TPO: variants seen among roughly 807,000 people sequenced by gnomAD.
TPO encodes the protein thyroid microsomal antigen.
TPO carries 78 observed loss-of-function variants against 96.9 expected under a neutral mutation model. The observed-to-expected ratio is 0.81, with a 90% CI of 0.67 to 0.97. TPO has a LOEUF of 0.97. TPO is among the 50% of genes least tolerant of loss of function. The pLI is 0.00. For missense variants in TPO, 1,252 were observed against 1,274.8 expected (o/e 0.98, Z 0.27); for synonymous variants, 547 against 538.0 (o/e 1.02, Z -0.23).
rs567827921 is a variant in TPO at position 1,527,562 on chromosome 2, A to G, written c.2618+10580A>G. 4.1e-5 allele frequency among the ~76,000 whole-genome samples: 6 copies of G among 144,706 alleles called. No individual in the cohort carries two copies. The South Asian group carries it at 1.4e-3, about 34-fold the overall frequency. The allele number at this position is 144,706 out of a possible 152,430, so 94.9% of individuals were successfully genotyped here. Reference sequence around the variant, plus strand: ...CCTCCAACTGTGTTCAGCTTCCCCAAATACCAACTGTGTGCAACCTCCTCA... The same window carrying G: ...CCTCCAACTGTGTTCAGCTTCCCCAGATACCAACTGTGTGCAACCTCCTCA... On this transcript the variant is annotated intron_variant, in intron 15 of 16. Transcript: ENST00000329066.
At chr2:1,451,490 T>G (rs890504660) in intron 5 of TPO, among the ~76,000 whole-genome samples, 1 of 152,210 alleles carries the variant, frequency 6.6e-6, no homozygotes, top group Non-Finnish European at 1.5e-5. Flanking sequence ...ATTTTTTAAG[T>G]GTGTACATAT....
At chr2:1,533,836 C>T (rs1678905134) in intron 15 of TPO, among the ~76,000 whole-genome samples, 2 of 88,150 alleles carry the variant, frequency 2.3e-5, no homozygotes, top group Non-Finnish European at 4.8e-5. Context: ...GTGCATTCTC[C>T]TCAAATGCCC....
chr2:1,446,640 A>G (rs1048244913), intron 5 of TPO, among the ~76,000 whole-genome samples: 6 of 152,154 alleles, frequency 3.9e-5, no homozygotes, highest in African/African-American at 1.4e-4. Flanking sequence ...CCATTTTTTA[A>G]TGAATCTTTT....
upstream of TPO, among the ~76,000 whole-genome samples, chr2:1,409,704 G>A (rs1015005091): frequency 7.9e-5 from 12 of 152,024 alleles, no homozygotes; most frequent in African/African-American, 1.2e-4. Flanking sequence ...CACGGCCGTC[G>A]GGGGTCATCA....
chr2:1,386,805 A>G (rs922139999), intron 1 of TPO, among the ~76,000 whole-genome samples: 1 of 152,092 alleles, frequency 6.6e-6, no homozygotes, highest in Non-Finnish European at 1.5e-5. Context: ...TCTTCCTAGC[A>G]TCGATGGTCT....
chr2:1,390,952 G>A (rs928899885), intron 1 of TPO, among the ~76,000 whole-genome samples: 23 of 151,960 alleles, frequency 1.5e-4, no homozygotes, highest in Admixed American at 1.3e-3. Context: ...ATGGGTAGAT[G>A]GCAAAAATTT....
chr2:1,400,568 C>CAAAAAAAAAAAAAAAAAAAAAAA (rs34242408), intron 1 of TPO, among the ~76,000 whole-genome samples: 4 of 71,604 alleles, frequency 5.6e-5, no homozygotes, highest in African/African-American at 2.2e-4. Context: ...GACTCTGTCT[C>CAAAAAAAAAAAAAAAAAAAAAAA]AAAAAAAAAA....
intron 11 of TPO, among the ~76,000 whole-genome samples, 191 bp from the exon 12 acceptor site, chr2:1,495,798 G>A (rs1672266208): frequency 6.6e-6 from 1 of 152,066 alleles, no homozygotes; most frequent in African/African-American, 2.4e-5. Flanking sequence ...GGGTGCTGGG[G>A]GTCTGGGCAG....
At chr2:1,478,481 G>A (rs1435728495) in intron 8 of TPO, among the ~76,000 whole-genome samples, 2 of 152,340 alleles carry the variant, frequency 1.3e-5, no homozygotes, top group South Asian at 4.1e-4. Context: ...GTGTGGCACC[G>A]GCTGCCCCCG....
chr2:1,524,377 C>T (rs1181300312), intron 15 of TPO, among the ~76,000 whole-genome samples: 3 of 141,420 alleles, frequency 2.1e-5, no homozygotes, highest in Non-Finnish European at 4.6e-5. Flanking sequence ...TCAACCTCCC[C>T]AAATCCCCCC....
chr2:1,474,075 T>C lies in TPO; in HGVS notation c.820-3011T>C, dbSNP rs958204220. 2.0e-5 allele frequency among the ~76,000 whole-genome samples: 3 copies of C among 152,212 alleles called. No individual in the cohort carries two copies. In the South Asian group the frequency reaches 6.2e-4, roughly 32 times the overall value. On this transcript the variant is annotated intron_variant, in intron 7 of 16. Transcript: ENST00000329066. ...CAACAATGATAGCGGGAGTTTCTGC[T>C]AGTCCTTAATTTTAAATTAAATTGT...
chr2:1,411,374 C>T (rs546206478), upstream of TPO, among the ~76,000 whole-genome samples: 3 of 152,190 alleles, frequency 2.0e-5, no homozygotes, highest in South Asian at 2.1e-4. Flanking sequence ...CGGCCTCCCC[C>T]AGCTGTGCAT....
intron 1 of TPO, among the ~76,000 whole-genome samples, chr2:1,381,514 C>T (rs877154): frequency 0.058 from 8,794 of 152,220 alleles, 674 homozygotes; most frequent in East Asian, 0.3. Flanking sequence ...GATCCCATCA[C>T]CTCCACCCAG....
chr2:1,488,520 C>A (rs543694544), intron 10 of TPO, among the ~76,000 whole-genome samples: 61 of 152,280 alleles, frequency 4.0e-4, no homozygotes, highest in African/African-American at 1.4e-3. Flanking sequence ...AGGCCCCACC[C>A]GGCAGCCTCC....
chr2:1,507,944 G>GGC (rs759238228), intron 14 of TPO, among the ~76,000 whole-genome samples: 1 of 152,188 alleles, frequency 6.6e-6, no homozygotes, highest in African/African-American at 2.4e-5. Context: ...GGTGAGAGAA[G>GGC]GCATCCCTGT....
chr2:1,506,705 T>A (rs2125019989), intron 14 of TPO, among the ~76,000 whole-genome samples: 1 of 152,370 alleles, frequency 6.6e-6, no homozygotes, highest in Admixed American at 6.5e-5. Flanking sequence ...TCTGTTCATA[T>A]CCTTCACCCG....
At chr2:1,540,768 T>C (rs765050935) in intron 16 of TPO, 45 bp downstream of exon 16, 13 of 1,613,174 alleles carry the variant, frequency 8.1e-6, no homozygotes, top group South Asian at 7.7e-5. Context: ...ACCGCAGTGG[T>C]TGGACAGGAT....
intron 7 of TPO, 75 bp from the exon 8 acceptor site, chr2:1,477,011 C>T (rs900450041): frequency 2.0e-6 from 3 of 1,518,558 alleles, no homozygotes; most frequent in African/African-American, 2.7e-5. Flanking sequence ...GGGTCGTCGC[C>T]GGCCTCGAAC....
intron 7 of TPO, among the ~76,000 whole-genome samples, chr2:1,458,061 C>A (rs115781609): frequency 7.1e-6 from 1 of 140,994 alleles, no homozygotes; most frequent in Non-Finnish European, 1.5e-5. Context: ...TGTGTGGGAA[C>A]GTGTTTATAT....
Sources: gnomAD v4.1 joint callset for allele counts (sites outside exome capture counted in the v4.1 genomes callset) on GRCh38, gnomAD v4.1.1 for gene constraint, MANE v1.5 for transcripts, NCBI Gene and HGNC (gene_info 2026-07-23, HGNC 2026-07-21) for gene names.